CNBD2: variants seen among roughly 807,000 people sequenced by gnomAD.
CNBD2 encodes cyclic nucleotide-binding domain-containing protein 2.
CNBD2 carries 64 observed loss-of-function variants against 63.7 expected under a neutral mutation model. The observed-to-expected ratio is 1.00, with a 90% CI of 0.82 to 1.24. CNBD2 has a LOEUF of 1.24. Among genes scored for constraint, CNBD2 ranks in the 50% most tolerant of loss-of-function variants. CNBD2 has a pLI of 0.00. For missense variants in CNBD2, 691 were observed against 713.5 expected, an observed-to-expected ratio of 0.97 and a Z score of 0.36; for synonymous variants, 229 against 255.4, an observed-to-expected ratio of 0.90 and a Z score of 0.99.
intron 4 of CNBD2, among the ~76,000 whole-genome samples, chr20:35,982,262 C>T (rs1302672151): frequency 6.6e-6 from 1 of 152,160 alleles, no homozygotes; most frequent in Admixed American, 6.5e-5. Flanking sequence ...GGCTGCTCAT[C>T]AGTCCTGGCA....
chr20:35,976,069 G>C, intron 3 of CNBD2, 67 bp downstream of exon 3: 4 of 1,417,662 alleles, frequency 2.8e-6, no homozygotes, highest in Non-Finnish European at 4.0e-6. Flanking sequence ...AAGAAACCCT[G>C]GCTGGGTATC....
At chr20:35,975,126 C>T (rs201446694) in intron 2 of CNBD2, among the ~76,000 whole-genome samples, 3,670 of 123,352 alleles carry the variant, frequency 0.03, 142 homozygotes, top group African/African-American at 0.1. Flanking sequence ...CTCAGCCTCC[C>T]GAGTAGCTGG....
At chr20:35,984,548 G>A in intron 5 of CNBD2, 79 bp from the exon 6 acceptor site, 1 of 1,464,746 alleles carries the variant, frequency 6.8e-7, no homozygotes, top group Non-Finnish European at 9.3e-7. Context: ...GGAAGATGGA[G>A]GCACGGAAGA....
chr20:36,014,443 C>T (rs1448180864), intron 10 of CNBD2, among the ~76,000 whole-genome samples: 1 of 150,428 alleles, frequency 6.6e-6, no homozygotes, highest in East Asian at 2.0e-4. Flanking sequence ...GATTCTCCTG[C>T]CTCTGCCTCC....
upstream of CNBD2, among the ~76,000 whole-genome samples, chr20:35,964,274 G>A (rs2056328599): frequency 6.6e-6 from 1 of 151,780 alleles, no homozygotes; most frequent in South Asian, 2.1e-4. Context: ...TCCGCCTCCT[G>A]GGTTCAAGCG....
chr20:35,975,473 T>G (rs1169366351), intron 2 of CNBD2, among the ~76,000 whole-genome samples: 3 of 126,460 alleles, frequency 2.4e-5, no homozygotes, highest in African/African-American at 9.1e-5. Context: ...GCTAATTTTT[T>G]GTATTTTTAG....
Position 35,968,634 on chromosome 20 carries a change from G to T in CNBD2, c.-129G>T. 1 of 637,362 alleles carries T rather than the reference G, an allele frequency of 1.6e-6. No individual in the cohort carries two copies. 39.5% of individuals were successfully genotyped at this position (637,362 alleles called of 1,614,324 possible). On this transcript the variant is annotated 5_prime_UTR_variant, in exon 1 of 12. Coordinates refer to ENST00000373973, the MANE Select transcript of CNBD2 (RefSeq NM_001365709.1). Reference sequence around the variant, plus strand: ...CTGATGGTATGGTAGGAGGAGTGGAGTGGAGCTCTTGCCTTGTTACTGAGG... The same window carrying T: ...CTGATGGTATGGTAGGAGGAGTGGATTGGAGCTCTTGCCTTGTTACTGAGG...
chr20:36,018,601 G>A (rs1030025811), intron 10 of CNBD2, among the ~76,000 whole-genome samples: 1 of 152,130 alleles, frequency 6.6e-6, no homozygotes, highest in South Asian at 2.1e-4. Context: ...GGGTCACATC[G>A]TCCTCACCCT....
rs1218050680 is a variant in CNBD2 at position 36,008,423 on chromosome 20, A to G, written c.1097A>G (p.Lys366Arg). ...WGLQGTSFSRKIRTSGDTLPK... is the reference protein window; with the variant it reads ...WGLQGTSFSRRIRTSGDTLPK... ...CTACAGGGGACAAGCTTCAGCAGGAAGATCAGAACCTCAGGAGACACTCTC... is the reference window on the plus strand; with the variant it reads ...CTACAGGGGACAAGCTTCAGCAGGAGGATCAGAACCTCAGGAGACACTCTC... Residue 366 changes from lysine to arginine, a missense_variant, in exon 9 of 12, where the codon AAG (lysine) becomes AGG (arginine). Transcript: ENST00000373973. 1 of 1,613,986 alleles carries G rather than the reference A, an allele frequency of 6.2e-7. No individual in the cohort carries two copies. The highest frequency in any genetic ancestry group is 1.3e-5 in the African/African-American group (1 of 74,936).
chr20:36,029,571 G>T lies in CNBD2; in HGVS notation c.1440-786G>T, dbSNP rs376518789. 3.9e-5 allele frequency among the ~76,000 whole-genome samples: 6 copies of T among 152,198 alleles called. No homozygotes were observed. The East Asian group carries it at 1.2e-3, about 29-fold the overall frequency. The stretch of plus-strand genomic sequence containing the variant: ...ATGGAGTTGAGAAGAGGTGCACACG[G>T]TCAGCTTTCATGAGCGGGTGGCAGC... On this transcript the variant is annotated intron_variant, in intron 11 of 11. Transcript: ENST00000373973.
intron 10 of CNBD2, among the ~76,000 whole-genome samples, chr20:36,014,461 C>G (rs1483636711): frequency 6.6e-6 from 1 of 150,614 alleles, no homozygotes; most frequent in Non-Finnish European, 1.5e-5. Flanking sequence ...TCCTGAGTAG[C>G]TGGCATTACA....
At chr20:36,015,679 G>T (rs192791364) in intron 10 of CNBD2, among the ~76,000 whole-genome samples, 5 of 152,210 alleles carry the variant, frequency 3.3e-5, no homozygotes, top group Admixed American at 1.3e-4. Flanking sequence ...ATCTCCCAAT[G>T]GTCAAAGCTG....
chr20:36,020,332 C>T (rs1474697365), intron 10 of CNBD2, among the ~76,000 whole-genome samples: 4 of 152,138 alleles, frequency 2.6e-5, no homozygotes, highest in African/African-American at 4.8e-5. Flanking sequence ...CTGCCCACCT[C>T]GGCCTCCCAA....
At chr20:36,001,819 C>T (rs2056913068) in intron 8 of CNBD2, among the ~76,000 whole-genome samples, 1 of 151,112 alleles carries the variant, frequency 6.6e-6, no homozygotes, top group African/African-American at 2.4e-5. Context: ...CAGAGACGCT[C>T]CTCACTTCGT....
At chr20:36,015,072 A>C (rs1471535078) in intron 10 of CNBD2, among the ~76,000 whole-genome samples, 1 of 152,218 alleles carries the variant, frequency 6.6e-6, no homozygotes, top group African/African-American at 2.4e-5. Flanking sequence ...GGTATGACTC[A>C]ACATCTCATT....
chr20:35,997,493 T>G (rs2056841658), intron 8 of CNBD2, among the ~76,000 whole-genome samples: 1 of 152,228 alleles, frequency 6.6e-6, no homozygotes, highest in Non-Finnish European at 1.5e-5. Flanking sequence ...AGTGTCATGG[T>G]TAGCAGCATA....
At chr20:36,011,969 C>T (rs2147334045) in intron 10 of CNBD2, among the ~76,000 whole-genome samples, 1 of 152,138 alleles carries the variant, frequency 6.6e-6, no homozygotes, top group Non-Finnish European at 1.5e-5. Flanking sequence ...ACCAGTCTGG[C>T]CAACATGGTG....
At position 35,980,534 on chromosome 20, in the gene CNBD2, G is replaced by A. The variant is rs745724867; in HGVS notation, c.319G>A (p.Val107Ile). ...GAGAACAGAGGATGAGATCCAGGCCGTCTGTAACATCTTGCAGGTTCTGGA... is the reference window on the plus strand; with the variant it reads ...GAGAACAGAGGATGAGATCCAGGCCATCTGTAACATCTTGCAGGTTCTGGA... ...SWRTEDEIQA[V>I]CNILQVLDSY... is the part of the protein sequence containing the mutation. Residue 107 changes from valine (V) to isoleucine (I), a missense_variant, in exon 4 of 12, where the codon GTC (valine) becomes ATC (isoleucine). Val to Ile is a conservative substitution (Grantham distance 29). Coordinates refer to ENST00000373973, the MANE Select transcript of CNBD2 (RefSeq NM_001365709.1). 36 of 1,614,066 alleles carry A rather than the reference G, an allele frequency of 2.2e-5. No individual in the cohort carries two copies. The East Asian group carries it at 2.7e-4, about 12-fold the overall frequency.
rs116054229 is a variant in CNBD2 at position 35,986,525 on chromosome 20, C to T, written c.717-870C>T. 7.9e-3 allele frequency among the ~76,000 whole-genome samples: 1,203 copies of T among 152,246 alleles called. 13 individuals carry two copies. The highest frequency in any genetic ancestry group is 0.027 in the African/African-American group (1,136 of 41,542). The stretch of plus-strand genomic sequence containing the variant: ...GAATGATCATGGGAAGTGTATGGCC[C>T]AGTGCTTGGTGCGTGGTAGGTACTT... On this transcript the variant is annotated intron_variant, in intron 6 of 11. Transcript: ENST00000373973.
Sources: allele counts gnomAD v4.1 joint callset (sites outside exome capture counted in the v4.1 genomes callset), GRCh38; gene constraint gnomAD v4.1.1; transcripts MANE v1.5; gene names NCBI Gene and HGNC (gene_info 2026-07-23, HGNC 2026-07-21).